Variants in SEPTIN8 observed in about 807,000 individuals in gnomAD.
SEPTIN8 encodes septin-8.
SEPTIN8 carries 22 observed loss-of-function variants against 53.1 expected under a neutral mutation model. The observed-to-expected ratio is 0.41, with a 90% CI of 0.30 to 0.59. The LOEUF is 0.59. SEPTIN8 is among the 20% of genes least tolerant of loss of function. SEPTIN8 has a pLI of 0.24. For missense variants in SEPTIN8, 536 were observed against 638.7 expected (o/e 0.84, Z 1.73); for synonymous variants, 228 against 248.4 (o/e 0.92, Z 0.77).
In SEPTIN8 at chr5:132,751,959, T is replaced by C; in HGVS notation, c.*57A>G. On this transcript the variant is annotated 3_prime_UTR_variant, in exon 10 of 10. Coordinates refer to ENST00000378719, the MANE Select transcript of SEPTIN8 (RefSeq NM_001098811.2). ...TCTGTTCTAACATTAAAAACCATGG[T>C]CTCCAGTTCCATGCCCTGGTGGTCC... The C allele has an allele frequency of 6.2e-7, 1 of 1,603,944 alleles. No homozygotes were observed.
Position 132,761,417 on chromosome 5 carries a change from C to A in SEPTIN8, c.962+41G>T. ...CAGATGCCAGGGTGGTGTGTCTGGC[C>A]ACAGCTGTGAAGACAGGCTCACTCT... On this transcript the variant is annotated intron_variant, in intron 7 of 9. Transcript: ENST00000378719. The surrounding 1 kb of genome is among the most constrained non-coding windows in gnomAD (Gnocchi z 5.8). 1 of 1,592,726 alleles carries A rather than the reference C, an allele frequency of 6.3e-7. No individual in the cohort carries two copies. Among genetic ancestry groups the A allele is most frequent in the Non-Finnish European group, 8.5e-7 (1 of 1,170,866 alleles).
chr5:132,779,674 C>T (rs1189093341), upstream of SEPTIN8, among the ~76,000 whole-genome samples: 2 of 152,068 alleles, frequency 1.3e-5, no homozygotes, highest in Non-Finnish European at 2.9e-5. Flanking sequence ...ATTATTTTTA[C>T]TTTGGCTTCT....
rs187513530 is a variant in SEPTIN8, at chr5:132,759,060, C to T, written c.1286+1742G>A. On this transcript the variant is annotated intron_variant, in intron 9 of 9. Transcript: ENST00000378719. ...TTTGGATTCAAATTTAAAGAGTATG[C>T]ATAACCAATCAAAACCACTCAAATA... 2.3e-3 allele frequency: 1,566 copies of T among 670,970 alleles called. 6 individuals are homozygous for T. The highest frequency in any genetic ancestry group is 4.0e-3 in the Admixed American group (191 of 48,062). 41.6% of individuals were successfully genotyped at this position (670,970 alleles called of 1,614,324 possible). A position where few individuals can be genotyped will look rare whatever the true frequency, so the allele number is the denominator to read the frequency against.
chr5:132,769,106 C>G (rs1217743723), intron 1 of SEPTIN8, among the ~76,000 whole-genome samples: 1 of 152,184 alleles, frequency 6.6e-6, no homozygotes, highest in African/African-American at 2.4e-5. Flanking sequence ...CACTGAGGAC[C>G]ACCATGTGTG....
intron 1 of SEPTIN8, among the ~76,000 whole-genome samples, chr5:132,766,185 G>C (rs530041899): frequency 6.6e-6 from 1 of 152,352 alleles, no homozygotes; most frequent in South Asian, 2.1e-4. Context: ...GGGCTCAGGG[G>C]TGGGTTTCAA....
At chr5:132,763,989 G>A (rs1253316562) in intron 3 of SEPTIN8, 97 bp from the exon 4 acceptor site, 4 of 1,290,954 alleles carry the variant, frequency 3.1e-6, no homozygotes, top group Non-Finnish European at 4.3e-6. Flanking sequence ...GCTGCCCCCT[G>A]GCCTTTTCTT....
At chr5:132,777,678 G>A (rs1757928620), upstream of SEPTIN8, 1 of 985,448 alleles carries the variant, frequency 1.0e-6, no homozygotes, top group African/African-American at 1.7e-5. The surrounding 1 kb of genome is among the most constrained non-coding windows in gnomAD (Gnocchi z 4.1). Flanking sequence ...CCACCAACCA[G>A]AGTGTGGACA....
intron 3 of SEPTIN8, 161 bp from the exon 4 acceptor site, chr5:132,764,053 T>G: frequency 1.1e-6 from 1 of 947,138 alleles, no homozygotes; most frequent in Middle Eastern, 3.2e-4. Context: ...AGCTGACCCC[T>G]TCTCCAGACA....
chr5:132,752,008 C>G lies in SEPTIN8; in HGVS notation c.*8G>C, dbSNP rs764769439. 7 of 1,612,194 alleles carry G rather than the reference C, an allele frequency of 4.3e-6. No individual in the cohort carries two copies. The highest frequency in any genetic ancestry group is 1.7e-5 in the Admixed American group (1 of 59,864). On this transcript the variant is annotated 3_prime_UTR_variant, in exon 10 of 10. Transcript: ENST00000378719. ...CCTGAGCTGGCCCCATGTGTTGGAG[C>G]TGCTGCCTCAGAGGAATCCTTCCCT...
At chr5:132,770,089 G>T (rs1463994636) in intron 1 of SEPTIN8, among the ~76,000 whole-genome samples, 1 of 29,154 alleles carries the variant, frequency 3.4e-5, no homozygotes, top group Non-Finnish European at 5.1e-5. Flanking sequence ...ATGTATATAT[G>T]TATATATATA....
chr5:132,763,741 G>C lies in SEPTIN8; in HGVS notation c.499C>G (p.Leu167Val). Residue 167 changes from leucine to valine, a missense_variant, in exon 4 of 10, where the codon CTA (leucine) becomes GTA (valine). Physicochemically the swap from Leu to Val is conservative, Grantham distance 32 (BLOSUM62 1). Transcript: ENST00000378719. Reference protein sequence around the residue: ...ITPTGHSLKSLDLVTMKKLDS... With the variant: ...ITPTGHSLKSVDLVTMKKLDS... ...AGTTTCTTCATGGTCACTAGATCTA[G>C]AGACTTCAGGGAGTGCCCTGTGGGC... 6.2e-7 allele frequency: 1 copy of C among 1,614,196 alleles called. No homozygotes were observed.
rs1756104641 is a variant in SEPTIN8, at chr5:132,762,617, G to C, written c.563C>G (p.Ala188Gly). The change falls in exon 5 of 10, where the codon GCT (alanine) becomes GGT (glycine). Residue 188 changes from alanine to glycine, a missense_variant. Transcript: ENST00000378719. Reference sequence around the variant, plus strand: ...GAGCTCGCTCTTGGAGATGGTGTCAGCCTTGGCGATGATGGGAATAATGTT... The same window carrying C: ...GAGCTCGCTCTTGGAGATGGTGTCACCCTTGGCGATGATGGGAATAATGTT... Reference protein sequence around the residue: ...KVNIIPIIAKADTISKSELHK... With the variant: ...KVNIIPIIAKGDTISKSELHK... 2 of 1,614,238 alleles carry C rather than the reference G, an allele frequency of 1.2e-6. No individual in the cohort carries two copies. The highest frequency in any genetic ancestry group is 1.7e-6 in the Non-Finnish European group (2 of 1,180,044).
chr5:132,774,477 G>A (rs926702978), intron 1 of SEPTIN8, among the ~76,000 whole-genome samples: 3 of 152,158 alleles, frequency 2.0e-5, no homozygotes, highest in Admixed American at 6.5e-5. Flanking sequence ...CTGGCTGCCC[G>A]AGGAAGGCAA....
rs1310943580 is a variant in SEPTIN8, at chr5:132,762,639, T to C, written c.541A>G (p.Ile181Val). 1.2e-6 allele frequency: 2 copies of C among 1,614,070 alleles called. No homozygotes were observed. Among genetic ancestry groups the C allele is most frequent in the East Asian group, 4.5e-5 (2 of 44,896 alleles). The change falls in exon 5 of 10, where the codon ATT (isoleucine) becomes GTT (valine). Residue 181 changes from isoleucine (I) to valine (V), a missense_variant. Physicochemically the swap from Ile to Val is conservative, Grantham distance 29. Coordinates refer to ENST00000378719, the MANE Select transcript of SEPTIN8 (RefSeq NM_001098811.2). ...TCAGCCTTGGCGATGATGGGAATAATGTTCACCTGCCAGGATCAGGGGAGG... is the reference window on the plus strand; with the variant it reads ...TCAGCCTTGGCGATGATGGGAATAACGTTCACCTGCCAGGATCAGGGGAGG... The part of the protein sequence containing the change: ...TMKKLDSKVN[I>V]IPIIAKADTI...
chr5:132,758,555 C>T (rs1755566499), intron 9 of SEPTIN8: 1 of 1,613,130 alleles, frequency 6.2e-7, no homozygotes, highest in Non-Finnish European at 8.5e-7. Context: ...CAGCCACTGG[C>T]TCTGAAAAAA....
chr5:132,770,012 TATATATATATACACAC>T (rs1757054687), intron 1 of SEPTIN8, among the ~76,000 whole-genome samples: 1 of 56,002 alleles, frequency 1.8e-5, no homozygotes, highest in African/African-American at 8.0e-5. Flanking sequence ...TATATATATA[TATATATATATACACAC>T]ACATATATAT....
At chr5:132,758,294 C>T (rs1015757858) in intron 9 of SEPTIN8, 18 of 1,344,244 alleles carry the variant, frequency 1.3e-5, no homozygotes, top group African/African-American at 7.3e-5. Context: ...TTTGTCTTGA[C>T]GCTGGTGCCA....
rs1467502549 is a variant in SEPTIN8, at chr5:132,763,847, A to G, written c.393T>C (p.Tyr131=). ...VDYIDAQFEN[Y]LQEELKIRRS... Reference sequence around the variant, plus strand: ...GGCGGATCTTCAGCTCCTCCTGCAGATAATTTTCAAACTGCGCATCGATGT... The same window carrying G: ...GGCGGATCTTCAGCTCCTCCTGCAGGTAATTTTCAAACTGCGCATCGATGT... Residue 131 remains tyrosine, a synonymous_variant, in exon 4 of 10, where the codon TAT becomes TAC. Transcript: ENST00000378719. 1 of 1,605,628 alleles carries G rather than the reference A, an allele frequency of 6.2e-7. No individual in the cohort carries two copies. Among genetic ancestry groups the G allele is most frequent in the Admixed American group, 1.7e-5 (1 of 59,084 alleles).
chr5:132,758,977 G>A, intron 9 of SEPTIN8: 1 of 785,738 alleles, frequency 1.3e-6, no homozygotes, highest in Non-Finnish European at 2.3e-6. Flanking sequence ...ATTCACCTCA[G>A]TTTGTGGTGT....
Sources: allele counts gnomAD v4.1 joint callset (sites outside exome capture counted in the v4.1 genomes callset), GRCh38; gene constraint gnomAD v4.1.1; non-coding constraint Gnocchi (gnomAD v3.1); transcripts MANE v1.5; gene names NCBI Gene and HGNC (gene_info 2026-07-23, HGNC 2026-07-21).